SGCD: variants seen among roughly 807,000 people sequenced by gnomAD.
The protein encoded by SGCD is sarcoglycan delta, also known as delta-sarcoglycan.
In SGCD, 18 loss-of-function variants were observed where a neutral mutation model predicts 36.6. The observed-to-expected ratio is 0.49, with a 90% confidence interval of 0.34 to 0.73. The LOEUF (loss-of-function observed/expected upper bound fraction) is 0.73. SGCD is among the 30% of genes least tolerant of loss of function. The pLI, the probability that SGCD is intolerant of heterozygous loss-of-function variation, is 0.01. For missense variants in SGCD, 387 were observed against 346.7 expected (o/e 1.12, Z -0.92); for synonymous variants, 133 against 130.6 (o/e 1.02, Z -0.12).
the SGCD span, among the ~76,000 whole-genome samples, chr5:155,738,972 A>G: frequency 6.6e-6 from 1 of 152,014 alleles, no homozygotes; most frequent in African/African-American, 2.4e-5. Context: ...AAAGAGAGAA[A>G]AAATATTAGG....
rs182947940 is a variant in SGCD, at chr5:156,723,973, A to G, written c.576-33608A>G. Among the ~76,000 whole-genome samples, 9 of 152,294 alleles carry G rather than the reference A, an allele frequency of 5.9e-5. No homozygotes were observed. In the East Asian group the frequency reaches 1.7e-3, roughly 29 times the overall value. On this transcript the variant is annotated intron_variant, in intron 7 of 8. Transcript: ENST00000337851. Reference sequence around the variant, plus strand: ...GATGGGAAGGGAGCACGGTGAAAATAGAGTTAGGAAATTATTCTCATGTTC... The same window carrying G: ...GATGGGAAGGGAGCACGGTGAAAATGGAGTTAGGAAATTATTCTCATGTTC...
chr5:155,751,098 A>G, the SGCD span, among the ~76,000 whole-genome samples: 1 of 152,198 alleles, frequency 6.6e-6, no homozygotes, highest in African/African-American at 2.4e-5. Flanking sequence ...CTTAACACCT[A>G]TGTGTGTAAA....
intron 3 of SGCD, among the ~76,000 whole-genome samples, chr5:156,432,006 G>A (rs563034408): frequency 1.2e-4 from 18 of 152,056 alleles, no homozygotes; most frequent in East Asian, 3.9e-4. Flanking sequence ...GTGAGCCACC[G>A]CACCCAGCCA....
chr5:156,629,879 TA>T (rs533530638), intron 6 of SGCD, among the ~76,000 whole-genome samples: 8,676 of 143,696 alleles, frequency 0.06, 259 homozygotes, highest in Non-Finnish European at 0.097. Flanking sequence ...TTTTTTTTTT[TA>T]GATGGAGTTT....
chr5:156,570,287 C>T (rs1397930281), intron 4 of SGCD, among the ~76,000 whole-genome samples: 2 of 152,054 alleles, frequency 1.3e-5, no homozygotes, highest in East Asian at 1.9e-4. Flanking sequence ...TTGAAAATAA[C>T]GTAGATTCTC....
intron 3 of SGCD, among the ~76,000 whole-genome samples, chr5:156,485,618 T>G (rs1264611254): frequency 6.6e-6 from 1 of 152,012 alleles, no homozygotes. Flanking sequence ...ATCACGCCAT[T>G]GCACTCTAGC....
intron 3 of SGCD, among the ~76,000 whole-genome samples, chr5:156,460,697 G>A (rs1037721807): frequency 6.6e-6 from 1 of 152,112 alleles, no homozygotes; most frequent in Admixed American, 6.6e-5. Context: ...GTTAAGGGGT[G>A]ACTCACTCTA....
chr5:156,321,904 C>A (rs564758296), upstream of SGCD, among the ~76,000 whole-genome samples: 1 of 152,156 alleles, frequency 6.6e-6, no homozygotes, highest in African/African-American at 2.4e-5. Context: ...ATCTCTCCCC[C>A]CATCCTCTTT....
At chr5:156,611,356 A>G (rs1761797578) in intron 6 of SGCD, among the ~76,000 whole-genome samples, 1 of 151,900 alleles carries the variant, frequency 6.6e-6, no homozygotes, top group African/African-American at 2.4e-5. Flanking sequence ...TTTCTCCTTT[A>G]TTTGTGAAAG....
chr5:156,188,778 G>T (rs1053818484), intron 3 of SGCD, among the ~76,000 whole-genome samples: 1 of 150,364 alleles, frequency 6.7e-6, no homozygotes, highest in Non-Finnish European at 1.5e-5. Context: ...TTCTATTTTC[G>T]CCTCCTTCTA....
At chr5:156,288,502 G>A (rs1040973518) in intron 3 of SGCD, among the ~76,000 whole-genome samples, 48 of 152,156 alleles carry the variant, frequency 3.2e-4, no homozygotes, top group African/African-American at 1.1e-3. Flanking sequence ...AGCATCCATC[G>A]TCGTGTTCAG....
intron 3 of SGCD, among the ~76,000 whole-genome samples, chr5:156,177,998 T>A (rs562813986): frequency 2.0e-5 from 3 of 152,224 alleles, no homozygotes; most frequent in Non-Finnish European, 4.4e-5. Flanking sequence ...CTGAACATAA[T>A]AGTTAAGCCT....
At chr5:156,609,531 G>T (rs997330405) in intron 6 of SGCD, among the ~76,000 whole-genome samples, 2 of 152,136 alleles carry the variant, frequency 1.3e-5, no homozygotes, top group Non-Finnish European at 2.9e-5. Flanking sequence ...TCTTGGAGTT[G>T]CTCCTCTCGA....
At chr5:156,578,796 C>T (rs1361560711) in intron 4 of SGCD, among the ~76,000 whole-genome samples, 1 of 151,942 alleles carries the variant, frequency 6.6e-6, no homozygotes, top group East Asian at 1.9e-4. Flanking sequence ...CTATTTGAGT[C>T]TTCTCTCTTT....
the SGCD span, among the ~76,000 whole-genome samples, chr5:155,794,943 G>C: frequency 6.6e-6 from 1 of 152,092 alleles, no homozygotes; most frequent in African/African-American, 2.4e-5. Context: ...ATGGGGGAAA[G>C]TAGCCAAGAA....
intron 7 of SGCD, among the ~76,000 whole-genome samples, chr5:156,650,979 ATC>A (rs1361400451): frequency 6.6e-6 from 1 of 152,074 alleles, no homozygotes; most frequent in Admixed American, 6.6e-5. Flanking sequence ...TCTCACCAAC[ATC>A]TGTTGTTTCT....
chr5:156,413,746 A>G (rs1404503287), intron 3 of SGCD, among the ~76,000 whole-genome samples: 1 of 152,238 alleles, frequency 6.6e-6, no homozygotes, highest in Non-Finnish European at 1.5e-5. Context: ...CCTTCCCAGC[A>G]TGTAAAACAA....
chr5:155,765,148 A>C, the SGCD span, among the ~76,000 whole-genome samples: 1 of 151,782 alleles, frequency 6.6e-6, no homozygotes, highest in Non-Finnish European at 1.5e-5. Flanking sequence ...GCATGGTGGC[A>C]TGCACCTGTT....
At chr5:156,713,162 C>T (rs141022961) in intron 7 of SGCD, among the ~76,000 whole-genome samples, 15 of 152,176 alleles carry the variant, frequency 9.9e-5, no homozygotes, top group East Asian at 5.8e-4. Context: ...ATGTCCACTA[C>T]GACTTGGCTA....
Sources: gnomAD v4.1 joint callset for allele counts (sites outside exome capture counted in the v4.1 genomes callset) on GRCh38, gnomAD v4.1.1 for gene constraint, MANE v1.5 for transcripts, NCBI Gene and HGNC (gene_info 2026-07-23, HGNC 2026-07-21) for gene names.